The following ESRRG variants were observed in gnomAD, a reference collection of about 807,000 sequenced individuals.
ESRRG encodes estrogen-related receptor gamma.
Under a neutral mutation model 44.0 loss-of-function variants are expected in ESRRG, and 13 were observed. The ratio of observed to expected loss-of-function variants is 0.30; its 90% CI spans 0.19 to 0.47. ESRRG has a LOEUF of 0.47. Among genes scored for constraint, ESRRG ranks in the 20% least tolerant of loss-of-function variants. ESRRG has a pLI of 1.00. For missense variants in ESRRG, 395 were observed against 580.6 expected (o/e 0.68, Z 3.29); for synonymous variants, 215 against 214.6 (o/e 1.00, Z -0.02).
chr1:216,989,821 G>A (rs1221432779), intron 1 of ESRRG, among the ~76,000 whole-genome samples: 1 of 152,130 alleles, frequency 6.6e-6, no homozygotes, highest in Admixed American at 6.5e-5. Context: ...CCACTGGAAA[G>A]TCCTGGTGAG....
chr1:216,762,681 T>A (rs891438175), intron 2 of ESRRG, among the ~76,000 whole-genome samples: 2 of 151,232 alleles, frequency 1.3e-5, no homozygotes, highest in African/African-American at 4.8e-5. Flanking sequence ...ATTGTGCACA[T>A]GTACCCTAAA....
intron 2 of ESRRG, among the ~76,000 whole-genome samples, chr1:216,860,782 T>C (rs1004880802): frequency 2.6e-5 from 4 of 152,122 alleles, no homozygotes; most frequent in African/African-American, 9.7e-5. Flanking sequence ...GATGGATATA[T>C]GAATTTACAC....
chr1:216,656,908 C>G (rs935946675), intron 2 of ESRRG, among the ~76,000 whole-genome samples: 1 of 152,236 alleles, frequency 6.6e-6, no homozygotes, highest in Non-Finnish European at 1.5e-5. Context: ...TATCCAGTTG[C>G]TTTTCAACAT....
intron 1 of ESRRG, among the ~76,000 whole-genome samples, chr1:216,708,606 A>G (rs2151945596): frequency 6.6e-6 from 1 of 152,324 alleles, no homozygotes; most frequent in East Asian, 1.9e-4. Context: ...ACGCTTTTAC[A>G]CTGTTGATGA....
intron 2 of ESRRG, among the ~76,000 whole-genome samples, chr1:216,879,484 C>CAAAAAAAAAAAAAAAA (rs755104959): frequency 1.6e-4 from 14 of 89,372 alleles, no homozygotes; most frequent in African/African-American, 1.9e-4. Context: ...AAAAGGCCAC[C>CAAAAAAAAAAAAAAAA]AAAAAAAAAA....
intron 2 of ESRRG, among the ~76,000 whole-genome samples, chr1:216,905,298 T>C (rs1240690802): frequency 1.3e-5 from 2 of 151,836 alleles, no homozygotes; most frequent in Non-Finnish European, 2.9e-5. Flanking sequence ...TCCAGTCATG[T>C]TGCCTTTTTT....
intron 1 of ESRRG, among the ~76,000 whole-genome samples, chr1:217,113,237 T>C (rs981155578): frequency 1.2e-4 from 19 of 152,116 alleles, no homozygotes; most frequent in African/African-American, 4.6e-4. Context: ...TATGAGACAG[T>C]AGAGACAAGA....
intron 1 of ESRRG, among the ~76,000 whole-genome samples, chr1:216,997,718 C>T (rs1195879840): frequency 1.3e-5 from 2 of 152,160 alleles, no homozygotes; most frequent in African/African-American, 4.8e-5. Context: ...TACGGAAAAG[C>T]GTTTAAAATA....
chr1:216,750,923 A>G (rs1249378320), intron 2 of ESRRG, among the ~76,000 whole-genome samples: 1 of 152,136 alleles, frequency 6.6e-6, no homozygotes, highest in East Asian at 1.9e-4. Context: ...TCTCACCATA[A>G]AAGTTAAAAT....
intron 5 of ESRRG, among the ~76,000 whole-genome samples, chr1:216,533,376 C>G (rs1304672435): frequency 6.6e-6 from 1 of 152,080 alleles, no homozygotes; most frequent in Non-Finnish European, 1.5e-5. Flanking sequence ...CTGTAGAGAT[C>G]TTGAAAGAAT....
chr1:216,641,679 A>T (rs2150910588), intron 3 of ESRRG, among the ~76,000 whole-genome samples: 1 of 152,374 alleles, frequency 6.6e-6, no homozygotes, highest in East Asian at 1.9e-4. Context: ...GATGTCATAC[A>T]CTGACAAAAA....
intron 1 of ESRRG, among the ~76,000 whole-genome samples, chr1:217,115,812 T>A (rs1157067374): frequency 6.6e-6 from 1 of 152,176 alleles, no homozygotes; most frequent in African/African-American, 2.4e-5. Flanking sequence ...ATCTACCTAC[T>A]CATATTGCTC....
intron 1 of ESRRG, among the ~76,000 whole-genome samples, chr1:217,130,187 A>G (rs1332890207): frequency 2.0e-5 from 3 of 152,220 alleles, no homozygotes; most frequent in African/African-American, 7.2e-5. Context: ...GATCTTGAAT[A>G]TCATTTTTGG....
intron 3 of ESRRG, among the ~76,000 whole-genome samples, chr1:216,591,466 C>T (rs2057653996): frequency 6.6e-6 from 1 of 152,180 alleles, no homozygotes; most frequent in Non-Finnish European, 1.5e-5. Context: ...AACTGAAGTA[C>T]TGGATACCCA....
At chr1:216,871,479 A>G (rs940632441) in intron 2 of ESRRG, among the ~76,000 whole-genome samples, 1 of 152,008 alleles carries the variant, frequency 6.6e-6, no homozygotes, top group Non-Finnish European at 1.5e-5. Flanking sequence ...AAAAATATCA[A>G]TTAGATTCAA....
intron 5 of ESRRG, among the ~76,000 whole-genome samples, chr1:216,545,204 T>G (rs2149316872): frequency 6.6e-6 from 1 of 151,156 alleles, no homozygotes; most frequent in South Asian, 2.1e-4. Context: ...TACACCAGCA[T>G]GCCTAGCTAA....
intron 2 of ESRRG, among the ~76,000 whole-genome samples, chr1:216,915,493 G>A (rs1023402277): frequency 6.6e-6 from 1 of 152,104 alleles, no homozygotes; most frequent in African/African-American, 2.4e-5. Context: ...AACATTCAAA[G>A]TTCAACACTT....
intron 2 of ESRRG, among the ~76,000 whole-genome samples, chr1:216,856,494 G>A (rs2149046415): frequency 6.6e-6 from 1 of 152,228 alleles, no homozygotes; most frequent in South Asian, 2.1e-4. Flanking sequence ...CTGTCAAAGT[G>A]TCTGGGTTCA....
intron 2 of ESRRG, among the ~76,000 whole-genome samples, chr1:216,815,513 G>C (rs2095105669): frequency 6.6e-6 from 1 of 152,152 alleles, no homozygotes; most frequent in Non-Finnish European, 1.5e-5. Context: ...TTCCAGAATA[G>C]TGGCCCAGAT....
Sources: allele counts gnomAD v4.1 joint callset (sites outside exome capture counted in the v4.1 genomes callset), GRCh38; gene constraint gnomAD v4.1.1; transcripts MANE v1.5; gene names NCBI Gene and HGNC (gene_info 2026-07-23, HGNC 2026-07-21).